MATN2: variants seen among roughly 807,000 people sequenced by gnomAD.
MATN2 encodes matrilin 2.
In MATN2, 69 loss-of-function variants were observed where a neutral mutation model predicts 103.2. The observed-to-expected ratio is 0.67, with a 90% CI of 0.55 to 0.82. The LOEUF is 0.82. Ranked by LOEUF, MATN2 falls within the 40% of genes least tolerant of loss-of-function variation. The pLI, the probability that MATN2 is intolerant of heterozygous loss-of-function variation, is 0.00. For missense variants in MATN2, 1,023 were observed against 1,211.5 expected, an observed-to-expected ratio of 0.84 and a Z score of 2.31; for synonymous variants, 429 against 450.2, an observed-to-expected ratio of 0.95 and a Z score of 0.60.
At position 98,027,532 on chromosome 8, in the gene MATN2, AT is replaced by A. The variant is rs772893212; in HGVS notation, c.2062del (p.Ser688ProfsTer22). ...CACTGGAATTATAGATTCCTTGACA[AT>A]TTCCCCCAAAGCCGCTCGAGTGGGG... ...FVTGIIDSLT[I>X]SPKAARVGLL... On this transcript the variant is annotated frameshift_variant, in exon 14 of 19. Transcript: ENST00000254898. LOFTEE classifies it high-confidence loss of function. The A allele has an allele frequency of 1.4e-5, 23 of 1,613,684 alleles. No individual in the cohort carries two copies. The Admixed American group carries it at 3.2e-4, about 22-fold the overall frequency.
intron 2 of MATN2, among the ~76,000 whole-genome samples, chr8:97,894,322 C>G (rs1244955942): frequency 8.4e-6 from 1 of 118,414 alleles, no homozygotes; most frequent in Non-Finnish European, 1.7e-5. Context: ...TAAGAATTCA[C>G]CTTTTTTTTT....
intron 5 of MATN2, among the ~76,000 whole-genome samples, chr8:97,962,359 C>CAA (rs1433878292): frequency 1.3e-5 from 2 of 152,242 alleles, no homozygotes; most frequent in Non-Finnish European, 2.9e-5. Context: ...TTGCTTCGCA[C>CAA]AAACAGGGTA....
At chr8:97,896,315 TGTG>T in intron 2 of MATN2, among the ~76,000 whole-genome samples, 1 of 152,368 alleles carries the variant, frequency 6.6e-6, no homozygotes, top group African/African-American at 2.4e-5. Flanking sequence ...TCATCTCAGA[TGTG>T]GTGATGTCAC....
intron 7 of MATN2, among the ~76,000 whole-genome samples, chr8:97,998,093 T>A (rs1388164401): frequency 6.6e-6 from 1 of 151,106 alleles, no homozygotes; most frequent in Non-Finnish European, 1.5e-5. Context: ...GTGCTGGGAT[T>A]ACAGGCATGA....
intron 5 of MATN2, among the ~76,000 whole-genome samples, chr8:97,971,704 T>C (rs1343507603): frequency 6.6e-6 from 1 of 152,184 alleles, no homozygotes; most frequent in Admixed American, 6.5e-5. Flanking sequence ...CCTGTTTGCA[T>C]CTTATCTACC....
At chr8:97,956,190 C>A (rs889826515) in intron 4 of MATN2, among the ~76,000 whole-genome samples, 3 of 152,004 alleles carry the variant, frequency 2.0e-5, no homozygotes, top group Non-Finnish European at 2.9e-5. Flanking sequence ...ATATTTATAC[C>A]CACTTTTTTT....
chr8:98,016,120 A>G (rs1426209810), intron 10 of MATN2, among the ~76,000 whole-genome samples: 1 of 152,110 alleles, frequency 6.6e-6, no homozygotes, highest in Non-Finnish European at 1.5e-5. Flanking sequence ...TGTGTATATT[A>G]AGAATTTTTG....
chr8:97,930,915 C>T (rs1251362259), intron 2 of MATN2, 38 bp from the exon 3 acceptor site: 1 of 1,470,656 alleles, frequency 6.8e-7, no homozygotes, highest in Non-Finnish European at 9.3e-7. Context: ...CACACCTGGC[C>T]TCTCTTCTAA....
chr8:97,926,408 G>A (rs1046803497), intron 2 of MATN2, among the ~76,000 whole-genome samples: 1 of 152,180 alleles, frequency 6.6e-6, no homozygotes, highest in African/African-American at 2.4e-5. Flanking sequence ...GCTTTTCACA[G>A]CAAATGTTTT....
At chr8:97,988,169 A>AT (rs57037125) in intron 6 of MATN2, among the ~76,000 whole-genome samples, 12,324 of 59,294 alleles carry the variant, frequency 0.21, 705 homozygotes, top group Non-Finnish European at 0.28. Flanking sequence ...AAAAAAAAAA[A>AT]AAATATATAT....
chr8:98,017,952 G>GT, intron 11 of MATN2, 42 bp from the exon 12 acceptor site: 3 of 1,607,080 alleles, frequency 1.9e-6, no homozygotes, highest in Admixed American at 3.3e-5. Context: ...CATGTGAAAT[G>GT]TATGTTGTTG....
At position 97,888,169 on chromosome 8, in the gene MATN2, CAGGGA is replaced by C. The variant is rs1818508838; in HGVS notation, c.70_74del (p.Arg24AlafsTer9). On this transcript the variant is annotated frameshift_variant, in exon 2 of 19. Transcript: ENST00000254898. LOFTEE classifies it high-confidence loss of function. Reference sequence around the variant, plus strand: ...AGATCGTCCTCCTCCCTGCCGAGGCCAGGGAGCGGTCACGTGGGAGGTCCATCTCT... The same window carrying C: ...AGATCGTCCTCCTCCCTGCCGAGGCCGCGGTCACGTGGGAGGTCCATCTCT... The C allele has an allele frequency of 1.2e-6, 2 of 1,608,950 alleles. No homozygotes were observed. Among genetic ancestry groups the C allele is most frequent in the Admixed American group, 3.4e-5 (2 of 59,414 alleles).
At chr8:97,898,470 A>G (rs1818885804) in intron 2 of MATN2, among the ~76,000 whole-genome samples, 1 of 151,790 alleles carries the variant, frequency 6.6e-6, no homozygotes, top group Non-Finnish European at 1.5e-5. Flanking sequence ...GGTGGTGGGC[A>G]CCTGTAATCC....
At chr8:98,003,449 G>T (rs1311419538) in intron 7 of MATN2, among the ~76,000 whole-genome samples, 1 of 152,192 alleles carries the variant, frequency 6.6e-6, no homozygotes, top group Non-Finnish European at 1.5e-5. Flanking sequence ...TTGAGGCAGG[G>T]CCTCCATCTC....
chr8:98,000,884 G>T (rs1034574747), intron 7 of MATN2, among the ~76,000 whole-genome samples: 3 of 152,190 alleles, frequency 2.0e-5, no homozygotes, highest in African/African-American at 7.2e-5. Flanking sequence ...TGTGATGAAT[G>T]CTACGAAAGA....
intron 2 of MATN2, among the ~76,000 whole-genome samples, chr8:97,889,138 A>C (rs889349001): frequency 6.6e-6 from 1 of 152,102 alleles, no homozygotes; most frequent in Non-Finnish European, 1.5e-5. Context: ...TTGGCCAGCC[A>C]CTCGAATCTG....
intron 2 of MATN2, among the ~76,000 whole-genome samples, chr8:97,900,071 C>A (rs904487896): frequency 1.3e-5 from 2 of 152,186 alleles, no homozygotes; most frequent in Non-Finnish European, 2.9e-5. Flanking sequence ...GGATGTGAAA[C>A]CAAGTCCAAG....
intron 5 of MATN2, among the ~76,000 whole-genome samples, chr8:97,977,264 AAGAC>A (rs1811871236): frequency 1.4e-5 from 2 of 138,896 alleles, no homozygotes; most frequent in East Asian, 2.0e-4. Context: ...AAAAAAAAAA[AAGAC>A]AAGAAATTTG....
intron 2 of MATN2, among the ~76,000 whole-genome samples, chr8:97,908,083 G>A (rs887474161): frequency 1.3e-5 from 2 of 152,130 alleles, no homozygotes; most frequent in African/African-American, 4.8e-5. Context: ...GTTTTAAAGC[G>A]AAAGCCTGTA....
Sources: gnomAD v4.1 joint callset for allele counts (sites outside exome capture counted in the v4.1 genomes callset) on GRCh38, gnomAD v4.1.1 for gene constraint, MANE v1.5 for transcripts, NCBI Gene and HGNC (gene_info 2026-07-23, HGNC 2026-07-21) for gene names.